Variants in DGKZ observed in about 807,000 individuals in gnomAD.
DGKZ encodes the protein DAG kinase zeta.
A neutral mutation model predicts 142.5 loss-of-function variants in DGKZ; 45 were observed. The observed-to-expected ratio is 0.32, with a 90% CI of 0.25 to 0.40. The LOEUF (loss-of-function observed/expected upper bound fraction) is 0.40, where lower values mean the gene tolerates loss of function less well. DGKZ is among the 10% of genes least tolerant of loss of function. DGKZ has a pLI of 1.00. For missense variants in DGKZ, 755 were observed against 1,306.5 expected, an observed-to-expected ratio of 0.58 and a Z score of 6.51; for synonymous variants, 442 against 527.0, an observed-to-expected ratio of 0.84 and a Z score of 2.21.
At chr11:46,366,337 G>A (rs1379365090) in intron 1 of DGKZ, 1 of 1,559,078 alleles carries the variant, frequency 6.4e-7, no homozygotes, top group Admixed American at 1.9e-5. Context: ...GCAGCGTGGG[G>A]CTGCCCACAG....
intron 14 of DGKZ, 121 bp from the exon 15 acceptor site, chr11:46,374,036 C>T (rs1173582584): frequency 6.6e-6 from 7 of 1,060,868 alleles, no homozygotes; most frequent in East Asian, 2.5e-5. Flanking sequence ...CCCTAGCGGA[C>T]GCTGCTGACC....
chr11:46,374,158 T>C (rs1448552617), exon 15 of DGKZ: 2 of 1,614,162 alleles, frequency 1.2e-6, no homozygotes, highest in Non-Finnish European at 1.7e-6. Context: ...TTTTTCCAGT[T>C]GCCCCTGGAT....
chr11:46,368,341 T>C (rs1306001694), intron 4 of DGKZ: 2 of 517,306 alleles, frequency 3.9e-6, no homozygotes, highest in Non-Finnish European at 7.3e-6. Context: ...AATTGACGAA[T>C]GGTGGCCCTT....
intron 25 of DGKZ, 45 bp downstream of exon 25, chr11:46,377,257 C>T (rs1944657910): frequency 6.5e-7 from 1 of 1,534,224 alleles, no homozygotes; most frequent in Non-Finnish European, 8.8e-7. Flanking sequence ...CTTTCAGCCC[C>T]ACCTGTAAGC....
intron 1 of DGKZ, among the ~76,000 whole-genome samples, chr11:46,335,421 G>A (rs745479213): frequency 2.7e-5 from 4 of 146,614 alleles, no homozygotes; most frequent in African/African-American, 8.3e-5. Flanking sequence ...TGTTGCACAC[G>A]TGCACGCACA....
chr11:46,379,973 G>A (rs774870170), exon 31 of DGKZ: 11 of 1,581,968 alleles, frequency 7.0e-6, no homozygotes, highest in African/African-American at 5.4e-5. Flanking sequence ...CAGCAGGAGG[G>A]ACAATGCGGC....
chr11:46,373,253 A>G, intron 14 of DGKZ, 152 bp downstream of exon 14: 1 of 733,864 alleles, frequency 1.4e-6, no homozygotes, highest in Non-Finnish European at 2.0e-6. Context: ...TACTTGCCTC[A>G]CAAGATGCTG....
upstream of DGKZ, among the ~76,000 whole-genome samples, chr11:46,346,447 C>A (rs1242351800): frequency 6.6e-6 from 1 of 152,184 alleles, no homozygotes; most frequent in East Asian, 1.9e-4. Flanking sequence ...GGCTGTGCCC[C>A]TACAGGTGAC....
At chr11:46,356,621 G>A (rs1055908604) in intron 1 of DGKZ, among the ~76,000 whole-genome samples, 2 of 152,138 alleles carry the variant, frequency 1.3e-5, no homozygotes, top group African/African-American at 4.8e-5. Flanking sequence ...GATGCCACGT[G>A]GTGCCACGTG....
At chr11:46,379,403 C>G in intron 29 of DGKZ, 66 bp from the exon 30 acceptor site, 3 of 1,583,134 alleles carry the variant, frequency 1.9e-6, no homozygotes, top group Non-Finnish European at 2.6e-6. Flanking sequence ...TTCTGATGGC[C>G]CTTGGGAGAC....
At chr11:46,351,846 C>G (rs976444783) in intron 1 of DGKZ, among the ~76,000 whole-genome samples, 1 of 152,198 alleles carries the variant, frequency 6.6e-6, no homozygotes, top group African/African-American at 2.4e-5. Context: ...CACAGTCTCC[C>G]TCTGTGCCAA....
rs987716664 is a variant in DGKZ, at chr11:46,367,116, C to T, written c.162-175C>T. On this transcript the variant is annotated intron_variant, in intron 1 of 30. Transcript: ENST00000527911. The surrounding 1 kb of genome is among the most constrained non-coding windows in gnomAD (Gnocchi z 4.1). ...ACTCTGGGCAGTACCCTGAAGCCAG[C>T]GTACCCCAAAAGGCCATGTCTCTTG... 80 of 1,304,944 alleles carry T rather than the reference C, an allele frequency of 6.1e-5. No homozygotes were observed. The highest frequency in any genetic ancestry group is 1.0e-4 in the East Asian group (4 of 39,804). The allele number at this position is 1,304,944 out of a possible 1,614,324, so 80.8% of individuals were successfully genotyped here. A position where few individuals can be genotyped will look rare whatever the true frequency, so the allele number is the denominator to read the frequency against.
chr11:46,365,922 G>T, intron 1 of DGKZ: 4 of 985,446 alleles, frequency 4.1e-6, no homozygotes, highest in Non-Finnish European at 4.8e-6. Context: ...GTGCCTGGAT[G>T]GGGGAAGAAG....
At chr11:46,360,811 A>G (rs77599960) in intron 1 of DGKZ, among the ~76,000 whole-genome samples, 5,380 of 151,810 alleles carry the variant, frequency 0.035, 342 homozygotes, top group African/African-American at 0.12. Flanking sequence ...GAGTTTAAAG[A>G]GGTCTTGGGA....
Position 46,333,445 on chromosome 11 carries a change from AG to A in DGKZ, c.171del (p.Glu57AspfsTer79). The A allele has an allele frequency of 6.5e-7, 1 of 1,534,606 alleles. No homozygotes were observed. Among genetic ancestry groups the A allele is most frequent in the Non-Finnish European group, 8.8e-7 (1 of 1,141,330 alleles). ...ACGGCCGCTGGGCCCCCGGTGGAGGAGCGTTTCCGCCAGCTGCACCTACGAA... is the reference window on the plus strand; with the variant it reads ...ACGGCCGCTGGGCCCCCGGTGGAGGACGTTTCCGCCAGCTGCACCTACGAA... On this transcript the variant is annotated frameshift_variant, in exon 1 of 31. Coordinates refer to the DGKZ transcript ENST00000343674. LOFTEE classifies it high-confidence loss of function.
At chr11:46,360,427 G>T (rs898817686) in intron 1 of DGKZ, among the ~76,000 whole-genome samples, 3 of 151,744 alleles carry the variant, frequency 2.0e-5, no homozygotes, top group African/African-American at 7.3e-5. Context: ...TGAACACATG[G>T]AGGTTCCTGG....
Position 46,367,393 on chromosome 11 carries a change from C to A in DGKZ, c.264C>A (p.Asp88Glu). The A allele has an allele frequency of 6.2e-7, 1 of 1,613,076 alleles. No homozygotes were observed. Among genetic ancestry groups the A allele is most frequent in the East Asian group, 2.2e-5 (1 of 44,878 alleles). Reference sequence around the variant, plus strand: ...AGCGGCAGATCCGGAGTACAGTGGACTGGAGCGTGAGTGCCTGAACACCCC... The same window carrying A: ...AGCGGCAGATCCGGAGTACAGTGGAATGGAGCGTGAGTGCCTGAACACCCC... The change falls in exon 2 of 31, where the codon GAC becomes GAA. Residue 88 changes from aspartate to glutamate, a missense_variant. Physicochemically the swap from Asp to Glu is conservative, Grantham distance 45 (BLOSUM62 2). Around this residue, in one of 8 missense-constraint regions of DGKZ, gnomAD observed 81 missense variants for 86.5 expected, o/e 0.94. Coordinates refer to ENST00000527911, the Ensembl canonical transcript of DGKZ. This position sits in a 1 kb window ranked among gnomAD's most constrained non-coding sequence, Gnocchi z 4.1.
intron 1 of DGKZ, among the ~76,000 whole-genome samples, chr11:46,352,394 C>T (rs567527186): frequency 1.3e-5 from 2 of 152,194 alleles, no homozygotes; most frequent in Non-Finnish European, 2.9e-5. Flanking sequence ...CAGGCACTCG[C>T]TGGAAGTTAC....
At chr11:46,370,120 G>A (rs977415346) in intron 6 of DGKZ, 111 bp downstream of exon 6, 30 of 1,363,494 alleles carry the variant, frequency 2.2e-5, no homozygotes, top group South Asian at 3.6e-5. Flanking sequence ...TGCAGAGTCC[G>A]GGGCTGACCC....
Sources: gnomAD v4.1 joint callset for allele counts (sites outside exome capture counted in the v4.1 genomes callset) on GRCh38, gnomAD v4.1.1 for gene constraint, gnomAD v4.1.1 regional missense constraint, Gnocchi (gnomAD v3.1) non-coding constraint, MANE v1.5 for transcripts, NCBI Gene and HGNC (gene_info 2026-07-23, HGNC 2026-07-21) for gene names.